The following PKNOX2 variants were observed in gnomAD, a reference collection of about 807,000 sequenced individuals.
PKNOX2 encodes homeobox protein PKNOX2.
A neutral mutation model predicts 53.1 loss-of-function variants in PKNOX2; 14 were observed. That is an observed-to-expected ratio of 0.26 (90% CI 0.17 to 0.41). The LOEUF is 0.41. PKNOX2 is among the 10% of genes least tolerant of loss of function. PKNOX2 has a pLI of 1.00. For synonymous variants in PKNOX2, 257 were observed against 242.8 expected (o/e 1.06, Z -0.54); for missense variants, 496 against 602.8 (o/e 0.82, Z 1.85).
chr11:125,299,904 G>A (rs1947921612), intron 2 of PKNOX2, among the ~76,000 whole-genome samples: 1 of 152,212 alleles, frequency 6.6e-6, no homozygotes, highest in African/African-American at 2.4e-5. Context: ...CCATCTCACC[G>A]TCTGTTTCTG....
intron 10 of PKNOX2, among the ~76,000 whole-genome samples, chr11:125,420,407 T>TAC (rs1956113762): frequency 6.6e-6 from 1 of 151,300 alleles, no homozygotes; most frequent in South Asian, 2.1e-4. Flanking sequence ...GCACCTATAG[T>TAC]CCCAGCTACT....
intron 2 of PKNOX2, chr11:125,266,802 G>A (rs1362968575): frequency 1.3e-5 from 2 of 152,136 alleles, no homozygotes; most frequent in Non-Finnish European, 2.9e-5. Flanking sequence ...CGGGACTCAC[G>A]GCTTCTTCCC....
At chr11:125,317,706 T>C (rs1949285946) in intron 2 of PKNOX2, among the ~76,000 whole-genome samples, 1 of 151,994 alleles carries the variant, frequency 6.6e-6, no homozygotes, top group African/African-American at 2.4e-5. Context: ...GTTCCATTTA[T>C]AGAGTGCAGG....
intron 2 of PKNOX2, among the ~76,000 whole-genome samples, chr11:125,301,901 G>A (rs1451460602): frequency 1.3e-5 from 2 of 152,204 alleles, no homozygotes; most frequent in Admixed American, 1.3e-4. Context: ...CCCAGACTCA[G>A]TCATTTTGGC....
intron 2 of PKNOX2, among the ~76,000 whole-genome samples, chr11:125,251,088 G>A (rs537040876): frequency 2.6e-5 from 4 of 152,346 alleles, no homozygotes; most frequent in Non-Finnish European, 2.9e-5. Context: ...CCAGCGGCCT[G>A]TAGCCCCCGA....
At chr11:125,267,186 T>C (rs1255152009) in intron 2 of PKNOX2, among the ~76,000 whole-genome samples, 1 of 152,178 alleles carries the variant, frequency 6.6e-6, no homozygotes, top group African/African-American at 2.4e-5. Context: ...ACCTGTGAGG[T>C]TGGGAAGCAT....
intron 5 of PKNOX2, among the ~76,000 whole-genome samples, chr11:125,373,721 G>C (rs1952681646): frequency 6.6e-6 from 1 of 152,188 alleles, no homozygotes; most frequent in Non-Finnish European, 1.5e-5. Flanking sequence ...TATGAACTGA[G>C]CTCCAGCATG....
At chr11:125,339,655 G>A (rs996008639) in intron 3 of PKNOX2, among the ~76,000 whole-genome samples, 4 of 152,302 alleles carry the variant, frequency 2.6e-5, no homozygotes, top group African/African-American at 9.6e-5. Flanking sequence ...CCTCAGTCCA[G>A]TATGACAAGA....
chr11:125,169,133 G>A (rs1955098276), intron 1 of PKNOX2, among the ~76,000 whole-genome samples: 1 of 152,202 alleles, frequency 6.6e-6, no homozygotes, highest in South Asian at 2.1e-4. Context: ...GGCATGTGAA[G>A]CCAAGTGTCT....
chr11:125,199,175 C>T (rs1323254506), intron 1 of PKNOX2, among the ~76,000 whole-genome samples: 1 of 152,064 alleles, frequency 6.6e-6, no homozygotes, highest in Non-Finnish European at 1.5e-5. Context: ...GGTAGTTGAT[C>T]TCACCTGTTG....
At chr11:125,230,257 A>C (rs1015819253) in intron 1 of PKNOX2, among the ~76,000 whole-genome samples, 1 of 152,262 alleles carries the variant, frequency 6.6e-6, no homozygotes, top group African/African-American at 2.4e-5. Flanking sequence ...ACAAGTTAGC[A>C]CTAGGTAATT....
At chr11:125,200,168 G>A (rs1423447522) in intron 1 of PKNOX2, among the ~76,000 whole-genome samples, 14 of 152,192 alleles carry the variant, frequency 9.2e-5, no homozygotes, top group Admixed American at 9.2e-4. Context: ...CCGGAGCAGG[G>A]ACCAGAGGGC....
chr11:125,372,063 G>C (rs1591546202), intron 5 of PKNOX2, among the ~76,000 whole-genome samples: 1 of 152,188 alleles, frequency 6.6e-6, no homozygotes, highest in Non-Finnish European at 1.5e-5. Context: ...TGATACCTTA[G>C]AGTCAGCAGC....
In PKNOX2 at chr11:125,314,604, C is replaced by T. The variant is rs188655557; in HGVS notation, c.-129-17215C>T. 1.1e-3 allele frequency among the ~76,000 whole-genome samples: 173 copies of T among 152,224 alleles called. 2 individuals are homozygous for T. The East Asian group carries it at 0.027, about 24-fold the overall frequency. On this transcript the variant is annotated intron_variant, in intron 2 of 12. Transcript: ENST00000298282. ...GACAAGGCTTCGTACTTCAGCTCCC[C>T]GAGAGCCGGGCTAGATGCCCACAGC...
At chr11:125,360,987 G>C (rs1951893885) in intron 4 of PKNOX2, among the ~76,000 whole-genome samples, 1 of 152,178 alleles carries the variant, frequency 6.6e-6, no homozygotes, top group African/African-American at 2.4e-5. Context: ...ATTGTTTCCA[G>C]CTCTGGGCTG....
At chr11:125,401,232 G>T (rs1425830424) in intron 7 of PKNOX2, among the ~76,000 whole-genome samples, 2 of 152,116 alleles carry the variant, frequency 1.3e-5, no homozygotes, top group Non-Finnish European at 2.9e-5. Context: ...AGAGAGACAG[G>T]GAGGCACACA....
chr11:125,178,497 C>T (rs1447334158), intron 1 of PKNOX2, among the ~76,000 whole-genome samples: 9 of 129,568 alleles, frequency 6.9e-5, no homozygotes, highest in Non-Finnish European at 1.2e-4. Context: ...GGCAGCAGAG[C>T]GAAACTCTGT....
At chr11:125,312,085 C>G (rs1413729958) in intron 2 of PKNOX2, among the ~76,000 whole-genome samples, 1 of 152,160 alleles carries the variant, frequency 6.6e-6, no homozygotes, top group Admixed American at 6.5e-5. Context: ...CTCTGAGCCT[C>G]TGTTTCTTCA....
intron 2 of PKNOX2, among the ~76,000 whole-genome samples, chr11:125,307,574 A>G (rs1948548562): frequency 6.6e-6 from 1 of 152,160 alleles, no homozygotes; most frequent in South Asian, 2.1e-4. Context: ...AACAAACTAT[A>G]ACAACAACAA....
Sources: gnomAD v4.1 joint callset for allele counts (sites outside exome capture counted in the v4.1 genomes callset) on GRCh38, gnomAD v4.1.1 for gene constraint, MANE v1.5 for transcripts, NCBI Gene and HGNC (gene_info 2026-07-23, HGNC 2026-07-21) for gene names.